Variants in RP1 observed in about 807,000 individuals in gnomAD.
RP1 encodes RP1 axonemal microtubule associated, also known as oxygen-regulated protein 1.
Under a neutral mutation model 14.8 loss-of-function variants are expected in RP1, and 16 were observed. The observed-to-expected ratio is 1.08, with a 90% CI of 0.73 to 1.65. The LOEUF is 1.65. Among genes scored for constraint, RP1 ranks in the 40% most tolerant of loss-of-function variants. The probability of loss-of-function intolerance (pLI) is 0.00; values close to 1 mark genes in which losing one functional copy is unlikely to be tolerated. For synonymous variants in RP1, 876 were observed against 883.6 expected (o/e 0.99, Z 0.15); for missense variants, 2,631 against 2,535.0 (o/e 1.04, Z -0.81).
At chr8:54,587,988 T>A (rs1386598530) in intron 1 of RP1, among the ~76,000 whole-genome samples, 1 of 152,222 alleles carries the variant, frequency 6.6e-6, no homozygotes, top group African/African-American at 2.4e-5. Context: ...TTTCTCTTCC[T>A]ACAGAGCAAT....
chr8:54,864,186 A>G (rs745894905), intron 27 of RP1, among the ~76,000 whole-genome samples: 3 of 152,198 alleles, frequency 2.0e-5, no homozygotes, highest in Non-Finnish European at 2.9e-5. Context: ...ATTGATGTCC[A>G]TGGATGAGGA....
chr8:54,566,895 C>T (rs1376858152), intron 1 of RP1, among the ~76,000 whole-genome samples: 1 of 152,160 alleles, frequency 6.6e-6, no homozygotes, highest in Non-Finnish European at 1.5e-5. Flanking sequence ...ACTAAAATGT[C>T]GGATGGTACC....
intron 24 of RP1, among the ~76,000 whole-genome samples, chr8:54,828,089 A>G (rs965596087): frequency 6.6e-6 from 1 of 152,180 alleles, no homozygotes; most frequent in Non-Finnish European, 1.5e-5. Context: ...ATCTCCTATG[A>G]TAACGATGCT....
chr8:54,856,921 G>A, intron 26 of RP1: 4 of 353,574 alleles, frequency 1.1e-5, no homozygotes, highest in Non-Finnish European at 1.5e-5. Context: ...GTAGTAGTAA[G>A]AATACTATAT....
At chr8:54,837,486 C>G in exon 25 of RP1, 1 of 1,230,988 alleles carries the variant, frequency 8.1e-7, no homozygotes, top group Non-Finnish European at 1.0e-6. Context: ...CTATAAAATA[C>G]GTATTGGACA....
At chr8:54,677,879 T>C (rs535761824) in intron 8 of RP1, among the ~76,000 whole-genome samples, 1 of 152,290 alleles carries the variant, frequency 6.6e-6, no homozygotes, top group African/African-American at 2.4e-5. Context: ...AATTAAAATA[T>C]TTTATGTGTA....
At chr8:54,696,283 A>T in intron 12 of RP1, 1 of 386,886 alleles carries the variant, frequency 2.6e-6, no homozygotes. Flanking sequence ...TTCATTTGGT[A>T]TATATTGACT....
intron 24 of RP1, among the ~76,000 whole-genome samples, chr8:54,819,794 C>A (rs1332975365): frequency 6.6e-6 from 1 of 152,174 alleles, no homozygotes; most frequent in African/African-American, 2.4e-5. Context: ...CAGGCAGAGT[C>A]TCTCATTGTA....
chr8:54,731,088 T>C (rs1808784232), intron 17 of RP1, among the ~76,000 whole-genome samples: 1 of 152,184 alleles, frequency 6.6e-6, no homozygotes, highest in Non-Finnish European at 1.5e-5. Flanking sequence ...CACACTCTGA[T>C]GGTAATTCAT....
intron 1 of RP1, among the ~76,000 whole-genome samples, chr8:54,605,810 T>C (rs992711369): frequency 6.6e-6 from 1 of 152,232 alleles, no homozygotes; most frequent in Admixed American, 6.5e-5. Flanking sequence ...TCTTTGTCTC[T>C]TTTGATCTTT....
intron 24 of RP1, among the ~76,000 whole-genome samples, chr8:54,822,982 G>A (rs1049511935): frequency 4.6e-5 from 7 of 152,172 alleles, no homozygotes; most frequent in African/African-American, 1.4e-4. Context: ...GAGGCCTTGT[G>A]TACCCTTAAC....
intron 17 of RP1, among the ~76,000 whole-genome samples, chr8:54,730,287 TA>T (rs1808762637): frequency 6.6e-6 from 1 of 152,134 alleles, no homozygotes; most frequent in Non-Finnish European, 1.5e-5. Context: ...ATATTCTTCT[TA>T]TATGTATATA....
chr8:54,708,851 A>G (rs1396579111), intron 15 of RP1, among the ~76,000 whole-genome samples: 1 of 151,830 alleles, frequency 6.6e-6, no homozygotes, highest in African/African-American at 2.4e-5. Flanking sequence ...GCTATGGGTG[A>G]CTCAGCTCTA....
At chr8:54,784,440 A>G (rs912432307) in intron 24 of RP1, among the ~76,000 whole-genome samples, 1 of 152,192 alleles carries the variant, frequency 6.6e-6, no homozygotes, top group African/African-American at 2.4e-5. Context: ...GTAATGTACT[A>G]TGAATAAATA....
intron 6 of RP1, among the ~76,000 whole-genome samples, chr8:54,656,633 G>C (rs1241074397): frequency 6.6e-6 from 1 of 151,362 alleles, no homozygotes; most frequent in Non-Finnish European, 1.5e-5. Flanking sequence ...CTTTCTAAAT[G>C]TCTGGCCGAA....
At chr8:54,579,784 C>T (rs1352234851) in intron 1 of RP1, among the ~76,000 whole-genome samples, 5 of 152,168 alleles carry the variant, frequency 3.3e-5, no homozygotes. Context: ...TTTCCCTGGC[C>T]TCTGAGCCTA....
At chr8:54,706,310 T>G (rs1037023133) in intron 14 of RP1, 1 of 813,068 alleles carries the variant, frequency 1.2e-6, no homozygotes, top group African/African-American at 1.7e-5. Context: ...GTTTACTTCT[T>G]TTGCTCGTTT....
chr8:54,852,534 TA>T, intron 25 of RP1: 1 of 1,202,118 alleles, frequency 8.3e-7, no homozygotes, highest in Non-Finnish European at 1.0e-6. Flanking sequence ...AAGAGATAAA[TA>T]AAAATGAGAA....
At chr8:54,582,586 C>A (rs1418492704) in intron 1 of RP1, among the ~76,000 whole-genome samples, 1 of 152,066 alleles carries the variant, frequency 6.6e-6, no homozygotes, top group Non-Finnish European at 1.5e-5. Flanking sequence ...CTATAAATTA[C>A]CTTGAGCAGT....
Sources: gnomAD v4.1 joint callset for allele counts (sites outside exome capture counted in the v4.1 genomes callset) on GRCh38, gnomAD v4.1.1 for gene constraint, MANE v1.5 for transcripts, NCBI Gene and HGNC (gene_info 2026-07-23, HGNC 2026-07-21) for gene names.